The following CALN1 variants were observed in gnomAD, a reference collection of about 807,000 sequenced individuals.
CALN1 encodes the protein calcium-binding protein 8.
A neutral mutation model predicts 30.6 loss-of-function variants in CALN1; 17 were observed. The ratio of observed to expected loss-of-function variants is 0.56; its 90% CI spans 0.38 to 0.83. The LOEUF is 0.83. Among genes scored for constraint, CALN1 ranks in the 40% least tolerant of loss-of-function variants. The pLI, the probability that CALN1 is intolerant of heterozygous loss-of-function variation, is 0.00. For synonymous variants in CALN1, 156 were observed against 131.4 expected, an observed-to-expected ratio of 1.19 and a Z score of -1.28; for missense variants, 291 against 354.9, an observed-to-expected ratio of 0.82 and a Z score of 1.45.
intron 4 of CALN1, among the ~76,000 whole-genome samples, chr7:72,028,308 G>C (rs973283237): frequency 6.6e-6 from 1 of 152,140 alleles, no homozygotes; most frequent in African/African-American, 2.4e-5. Flanking sequence ...TGCAGGGAGC[G>C]CAGCAGTTTG....
At chr7:72,186,944 G>T (rs1186876737) in intron 3 of CALN1, among the ~76,000 whole-genome samples, 2 of 119,028 alleles carry the variant, frequency 1.7e-5, no homozygotes, top group Non-Finnish European at 3.3e-5. Flanking sequence ...GGTTATATCA[G>T]CATTTTCTAA....
chr7:72,058,477 T>TCC (rs1803427127), intron 4 of CALN1, among the ~76,000 whole-genome samples: 5 of 151,636 alleles, frequency 3.3e-5, no homozygotes, highest in Non-Finnish European at 7.4e-5. Context: ...ACCACCACAC[T>TCC]CAGCTATTTT....
At chr7:71,867,299 T>C (rs998200226) in intron 5 of CALN1, among the ~76,000 whole-genome samples, 3 of 152,098 alleles carry the variant, frequency 2.0e-5, no homozygotes, top group East Asian at 1.9e-4. Flanking sequence ...CACAATAACA[T>C]GTAAACTATA....
intron 3 of CALN1, among the ~76,000 whole-genome samples, chr7:72,137,394 A>C (rs1186593467): frequency 2.0e-5 from 3 of 152,206 alleles, no homozygotes; most frequent in African/African-American, 7.2e-5. Context: ...AGATATAATA[A>C]TGAAAGCAAA....
intron 2 of CALN1, among the ~76,000 whole-genome samples, chr7:72,368,205 G>A (rs1039616549): frequency 6.6e-6 from 1 of 150,798 alleles, no homozygotes; most frequent in East Asian, 1.9e-4. Flanking sequence ...ATATGTGTGT[G>A]TATATATATC....
At chr7:72,436,000 G>A (rs984153985) in intron 1 of CALN1, among the ~76,000 whole-genome samples, 1 of 152,166 alleles carries the variant, frequency 6.6e-6, no homozygotes, top group Admixed American at 6.5e-5. Flanking sequence ...GGCTGCAAGG[G>A]AAATGTGAGC....
chr7:71,810,261 C>G, intron 6 of CALN1, 75 bp downstream of exon 6: 2 of 1,484,860 alleles, frequency 1.3e-6, no homozygotes, highest in Non-Finnish European at 1.8e-6. Flanking sequence ...TGTGTGTGAA[C>G]GCATTTTTCA....
intron 5 of CALN1, among the ~76,000 whole-genome samples, chr7:71,931,689 T>C (rs1394349101): frequency 2.0e-5 from 3 of 152,254 alleles, no homozygotes; most frequent in African/African-American, 4.8e-5. Flanking sequence ...AAGCCGTTGC[T>C]ACTGAGGGAT....
At chr7:71,819,819 G>A (rs2116308565) in intron 5 of CALN1, among the ~76,000 whole-genome samples, 1 of 152,174 alleles carries the variant, frequency 6.6e-6, no homozygotes, top group Non-Finnish European at 1.5e-5. Context: ...GTTGTGTCAT[G>A]TGTCAGAATT....
chr7:72,239,068 G>A (rs913823221), intron 3 of CALN1, among the ~76,000 whole-genome samples: 4 of 152,110 alleles, frequency 2.6e-5, no homozygotes, highest in Non-Finnish European at 5.9e-5. Flanking sequence ...TGTACTCCGT[G>A]ACTTCTAAAA....
At chr7:72,218,138 C>T (rs369501375) in intron 3 of CALN1, among the ~76,000 whole-genome samples, 21 of 151,442 alleles carry the variant, frequency 1.4e-4, no homozygotes, top group African/African-American at 3.4e-4. Flanking sequence ...CACCCCGCTC[C>T]GCCAAAATTT....
At chr7:71,919,631 C>T (rs1225560740) in intron 5 of CALN1, among the ~76,000 whole-genome samples, 1 of 152,064 alleles carries the variant, frequency 6.6e-6, no homozygotes, top group Non-Finnish European at 1.5e-5. Flanking sequence ...CCCAAACTGG[C>T]CTAAGGGAGT....
chr7:72,386,626 T>C (rs1413178694), intron 2 of CALN1, among the ~76,000 whole-genome samples: 1 of 152,180 alleles, frequency 6.6e-6, no homozygotes, highest in East Asian at 1.9e-4. Context: ...GACATCAGTG[T>C]AAACCTATGT....
intron 5 of CALN1, among the ~76,000 whole-genome samples, chr7:71,967,663 A>AAAAG (rs1350245930): frequency 2.6e-5 from 4 of 151,390 alleles, no homozygotes; most frequent in Non-Finnish European, 4.4e-5. Flanking sequence ...AAAAGAAAAG[A>AAAAG]AAAAAGTCTG....
chr7:72,181,571 A>G (rs1789811556), intron 3 of CALN1, among the ~76,000 whole-genome samples: 1 of 150,802 alleles, frequency 6.6e-6, no homozygotes, highest in Admixed American at 6.6e-5. Flanking sequence ...CTTCACCCCC[A>G]GGTTCAAGCG....
intron 3 of CALN1, among the ~76,000 whole-genome samples, chr7:72,142,507 A>G (rs1448956861): frequency 6.6e-6 from 1 of 152,232 alleles, no homozygotes; most frequent in African/African-American, 2.4e-5. Context: ...CTGCAGCTCA[A>G]GGAGGCCTGC....
At chr7:71,943,655 T>C (rs1796251416) in intron 5 of CALN1, among the ~76,000 whole-genome samples, 1 of 152,094 alleles carries the variant, frequency 6.6e-6, no homozygotes, top group South Asian at 2.1e-4. Flanking sequence ...TTGGCCAGGT[T>C]GATCTTGAAC....
At chr7:72,288,220 T>C (rs569581285) in intron 2 of CALN1, among the ~76,000 whole-genome samples, 5 of 151,890 alleles carry the variant, frequency 3.3e-5, no homozygotes, top group Admixed American at 1.3e-4. Context: ...TTCACGTGAG[T>C]TGGGAGCACT....
chr7:72,452,843 C>T, the CALN1 span, among the ~76,000 whole-genome samples: 1 of 152,142 alleles, frequency 6.6e-6, no homozygotes, highest in Non-Finnish European at 1.5e-5. Flanking sequence ...GGTTACTTCC[C>T]ATTGCCCCTC....
Sources: gnomAD v4.1 joint callset for allele counts (sites outside exome capture counted in the v4.1 genomes callset) on GRCh38, gnomAD v4.1.1 for gene constraint, MANE v1.5 for transcripts, NCBI Gene and HGNC (gene_info 2026-07-23, HGNC 2026-07-21) for gene names.